RNF220: variants seen among roughly 807,000 people sequenced by gnomAD.
RNF220 encodes E3 ubiquitin-protein ligase RNF220.
A neutral mutation model predicts 67.1 loss-of-function variants in RNF220; 7 were observed. The observed-to-expected ratio is 0.10, with a 90% CI of 0.06 to 0.20. The LOEUF is 0.20. Ranked by LOEUF, RNF220 falls within the 10% of genes least tolerant of loss-of-function variation. RNF220 has a pLI of 1.00. For missense variants in RNF220, 565 were observed against 740.3 expected (o/e 0.76, Z 2.75); for synonymous variants, 270 against 283.2 (o/e 0.95, Z 0.47).
chr1:44,649,379 T>G lies in RNF220; in HGVS notation c.1446-282T>G. On this transcript the variant is annotated intron_variant, in intron 12 of 14. Coordinates refer to ENST00000361799, the MANE Select transcript of RNF220 (RefSeq NM_018150.4). The surrounding 1 kb of genome is among the most constrained non-coding windows in gnomAD (Gnocchi z 5.9). The stretch of plus-strand genomic sequence containing the variant: ...GAGATGCCGGAGATACTAGGAGAGA[T>G]GACAGATTTGGGTGGTTGGGAAGAC... 2 of 488,786 alleles carry G rather than the reference T, an allele frequency of 4.1e-6. No homozygotes were observed. The highest frequency in any genetic ancestry group is 3.8e-5 in the East Asian group (1 of 26,046). 30.3% of individuals were successfully genotyped at this position (488,786 alleles called of 1,614,324 possible). A position where few individuals can be genotyped will look rare whatever the true frequency, so the allele number is the denominator to read the frequency against.
rs34268893 is a variant in RNF220, at chr1:44,482,920, C to CTT, written c.625+70222_625+70223dup. 9.8e-3 allele frequency among the ~76,000 whole-genome samples: 675 copies of CTT among 69,220 alleles called. 18 individuals carry two copies. Among genetic ancestry groups the CTT allele is most frequent in the African/African-American group, 0.024 (381 of 15,680 alleles). 45.4% of individuals were successfully genotyped at this position (69,220 alleles called of 152,430 possible). A position where few individuals can be genotyped will look rare whatever the true frequency, so the allele number is the denominator to read the frequency against. On this transcript the variant is annotated intron_variant, in intron 2 of 14. Coordinates refer to ENST00000361799, the MANE Select transcript of RNF220 (RefSeq NM_018150.4). ...GTAAGAGTGAGCCACCACACCCAGC[C>CTT]TTTTTTTTTTTTTTTTTTTTTTTTT...
chr1:44,464,475 AAAGG>A (rs1454677022), intron 2 of RNF220, among the ~76,000 whole-genome samples: 2 of 152,318 alleles, frequency 1.3e-5, no homozygotes, highest in East Asian at 3.9e-4. Context: ...TCCACTGGTT[AAAGG>A]AAGTCGATGG....
chr1:44,628,105 C>G (rs1257125850), intron 5 of RNF220, among the ~76,000 whole-genome samples: 1 of 152,258 alleles, frequency 6.6e-6, no homozygotes, highest in East Asian at 1.9e-4. Context: ...AATGACCAGA[C>G]CCCAGGGAAT....
At chr1:44,541,405 G>A (rs538651756) in intron 2 of RNF220, among the ~76,000 whole-genome samples, 1 of 152,322 alleles carries the variant, frequency 6.6e-6, no homozygotes, top group South Asian at 2.1e-4. Context: ...CCCAGTCTGG[G>A]TGACAGAGTG....
rs115332681 is a variant in RNF220, at chr1:44,464,372, C to T, written c.625+51650C>T. 2.1e-3 allele frequency among the ~76,000 whole-genome samples: 325 copies of T among 152,296 alleles called. 3 individuals carry two copies. Among genetic ancestry groups the T allele is most frequent in the African/African-American group, 7.5e-3 (310 of 41,574 alleles). On this transcript the variant is annotated intron_variant, in intron 2 of 14. Transcript: ENST00000361799. Reference sequence around the variant, plus strand: ...CTTCTCATGGTGAGAGGCAGAAGCCCAAGAGACCAAGGCAAACTTTGCATG... The same window carrying T: ...CTTCTCATGGTGAGAGGCAGAAGCCTAAGAGACCAAGGCAAACTTTGCATG...
chr1:44,567,306 A>G (rs940696648), intron 2 of RNF220, among the ~76,000 whole-genome samples: 20 of 152,128 alleles, frequency 1.3e-4, no homozygotes, highest in African/African-American at 4.8e-4. Context: ...GTTGGGGATT[A>G]GAACATAGCA....
In RNF220 at chr1:44,650,345, G is replaced by A; in HGVS notation, c.1630-359G>A. The A allele has an allele frequency of 2.1e-6, 1 of 473,554 alleles. No individual in the cohort carries two copies. The allele number at this position is 473,554 out of a possible 1,614,324, so 29.3% of individuals were successfully genotyped here. On this transcript the variant is annotated intron_variant, in intron 14 of 14. Transcript: ENST00000361799. The surrounding 1 kb of genome is among the most constrained non-coding windows in gnomAD (Gnocchi z 4.3). ...TCCTGCCCCTGTTCTTCGCTCAGGA[G>A]CAGCCATTAAAATGTCGCCCGGAGA...
intron 2 of RNF220, chr1:44,423,723 A>AG: frequency 2.4e-6 from 1 of 423,108 alleles, no homozygotes; most frequent in Non-Finnish European, 3.2e-6. Context: ...GACAGGTCTC[A>AG]GGGCCTAGAG....
intron 2 of RNF220, among the ~76,000 whole-genome samples, chr1:44,613,596 A>G (rs1036934721): frequency 6.6e-6 from 1 of 152,212 alleles, no homozygotes; most frequent in African/African-American, 2.4e-5. Flanking sequence ...TATAAAAAAA[A>G]TAAATAAATA....
intron 2 of RNF220, among the ~76,000 whole-genome samples, chr1:44,535,244 G>A (rs1174788327): frequency 6.7e-6 from 1 of 149,966 alleles, no homozygotes; most frequent in Admixed American, 6.7e-5. Context: ...TGGGTTCAGC[G>A]ATTCTCCTGT....
chr1:44,433,829 G>T (rs1650666090), intron 2 of RNF220, among the ~76,000 whole-genome samples: 1 of 152,154 alleles, frequency 6.6e-6, no homozygotes, highest in Non-Finnish European at 1.5e-5. Flanking sequence ...TGGTGCAGTG[G>T]TGCATGTCTG....
chr1:44,529,321 A>G (rs1660648774), intron 2 of RNF220, among the ~76,000 whole-genome samples: 1 of 151,950 alleles, frequency 6.6e-6, no homozygotes, highest in Non-Finnish European at 1.5e-5. Flanking sequence ...GTTAAGTAAA[A>G]CTATGCATGG....
intron 2 of RNF220, among the ~76,000 whole-genome samples, chr1:44,517,164 C>T (rs1426846070): frequency 6.6e-6 from 1 of 152,192 alleles, no homozygotes; most frequent in Admixed American, 6.6e-5. Context: ...GAACTGTCTT[C>T]TATTTGATTT....
intron 3 of RNF220, among the ~76,000 whole-genome samples, chr1:44,616,202 T>A (rs536111302): frequency 6.6e-6 from 1 of 152,344 alleles, no homozygotes; most frequent in South Asian, 2.1e-4. Context: ...GCTTCTACTC[T>A]ATTCTATTCT....
intron 2 of RNF220, among the ~76,000 whole-genome samples, chr1:44,438,580 G>GTCC (rs1651224176): frequency 6.6e-6 from 1 of 152,156 alleles, no homozygotes; most frequent in African/African-American, 2.4e-5. Flanking sequence ...AATAATACAG[G>GTCC]TAAGGTCTAG....
intron 2 of RNF220, among the ~76,000 whole-genome samples, chr1:44,563,108 G>A (rs184276533): frequency 1.3e-4 from 20 of 152,320 alleles, no homozygotes; most frequent in Admixed American, 1.2e-3. Context: ...CCAAGGAAAT[G>A]GGGAGAAGCT....
intron 8 of RNF220, among the ~76,000 whole-genome samples, chr1:44,641,426 C>T (rs951078268): frequency 6.6e-6 from 1 of 152,170 alleles, no homozygotes; most frequent in Non-Finnish European, 1.5e-5. Flanking sequence ...GTAGGAGTGG[C>T]AGCTTGCCTG....
At chr1:44,638,813 G>A (rs1164412819) in intron 8 of RNF220, among the ~76,000 whole-genome samples, 1 of 152,210 alleles carries the variant, frequency 6.6e-6, no homozygotes, top group African/African-American at 2.4e-5. Context: ...GAGCAGGTGA[G>A]CACTGAGGTA....
chr1:44,594,769 T>C (rs919714445), intron 2 of RNF220, among the ~76,000 whole-genome samples: 2 of 152,066 alleles, frequency 1.3e-5, no homozygotes, highest in Non-Finnish European at 2.9e-5. Context: ...TTGGATTGGA[T>C]TGGATTGAAG....
Sources: gnomAD v4.1 joint callset for allele counts (sites outside exome capture counted in the v4.1 genomes callset) on GRCh38, gnomAD v4.1.1 for gene constraint, Gnocchi (gnomAD v3.1) non-coding constraint, MANE v1.5 for transcripts, NCBI Gene and HGNC (gene_info 2026-07-23, HGNC 2026-07-21) for gene names.